UGGT2: variants seen among roughly 807,000 people sequenced by gnomAD.
The protein encoded by UGGT2 is UDP-glucose glycoprotein glucosyltransferase 2, also known as UDP-glucose:glycoprotein glucosyltransferase 2.
UGGT2 carries 180 observed loss-of-function variants against 192.1 expected under a neutral mutation model. That is an observed-to-expected ratio of 0.94 (90% CI 0.83 to 1.06). The LOEUF (loss-of-function observed/expected upper bound fraction) is 1.06. UGGT2 is among the 50% of genes least tolerant of loss of function. The pLI is 0.00. For missense variants in UGGT2, 1,849 were observed against 1,795.7 expected (o/e 1.03, Z -0.54); for synonymous variants, 580 against 591.0 (o/e 0.98, Z 0.27).
At chr13:96,038,161 G>T (rs1329325032) in intron 1 of UGGT2, among the ~76,000 whole-genome samples, 1 of 152,180 alleles carries the variant, frequency 6.6e-6, no homozygotes, top group Non-Finnish European at 1.5e-5. Context: ...AATTCTGATG[G>T]TGGCTTAAAG....
chr13:95,811,705 C>T (rs1048642018), intron 38 of UGGT2, among the ~76,000 whole-genome samples: 5 of 151,770 alleles, frequency 3.3e-5, no homozygotes, highest in African/African-American at 7.3e-5. Context: ...TAGTAAAATG[C>T]ATTATAACAA....
At chr13:95,890,688 T>C (rs1055294547) in intron 25 of UGGT2, among the ~76,000 whole-genome samples, 174 bp downstream of exon 25, 2 of 152,128 alleles carry the variant, frequency 1.3e-5, no homozygotes, top group South Asian at 2.1e-4. Flanking sequence ...CTCAGCACAG[T>C]CATAACAACA....
At chr13:95,821,554 C>T (rs963559921) in intron 38 of UGGT2, among the ~76,000 whole-genome samples, 25 of 152,216 alleles carry the variant, frequency 1.6e-4, no homozygotes, top group African/African-American at 6.0e-4. Flanking sequence ...ATGATTATTT[C>T]TTTTGCCATG....
chr13:95,922,461 AAAAT>A (rs1478659151), intron 20 of UGGT2, among the ~76,000 whole-genome samples: 1 of 152,214 alleles, frequency 6.6e-6, no homozygotes, highest in East Asian at 1.9e-4. Context: ...ATCAAAGCTA[AAAAT>A]AAATAAAGTC....
intron 17 of UGGT2, among the ~76,000 whole-genome samples, chr13:95,928,130 C>T (rs533697450): frequency 6.6e-6 from 1 of 152,200 alleles, no homozygotes; most frequent in East Asian, 1.9e-4. Context: ...CTTTTCTATT[C>T]GACAAAACCG....
chr13:96,032,805 C>T (rs1323977799), intron 1 of UGGT2, among the ~76,000 whole-genome samples: 1 of 152,178 alleles, frequency 6.6e-6, no homozygotes, highest in Non-Finnish European at 1.5e-5. Context: ...TACAGATTAA[C>T]TAATTCTTGT....
chr13:95,813,438 G>A (rs183700054), intron 38 of UGGT2, among the ~76,000 whole-genome samples: 2 of 152,304 alleles, frequency 1.3e-5, no homozygotes, highest in East Asian at 3.9e-4. Flanking sequence ...CGATGATTTA[G>A]GGTATCTGGT....
At chr13:95,877,086 G>A (rs955146600) in intron 29 of UGGT2, 193 bp downstream of exon 29, 8 of 436,870 alleles carry the variant, frequency 1.8e-5, no homozygotes, top group Admixed American at 1.3e-4. Context: ...GTTTTGCCAT[G>A]TTGGCCAGGC....
At chr13:95,838,626 C>A (rs1164073012) in intron 36 of UGGT2, among the ~76,000 whole-genome samples, 1 of 151,952 alleles carries the variant, frequency 6.6e-6, no homozygotes, top group Non-Finnish European at 1.5e-5. Flanking sequence ...ATAAAGAGCC[C>A]AGAAATAGAA....
intron 17 of UGGT2, among the ~76,000 whole-genome samples, chr13:95,931,774 G>A (rs1028673864): frequency 6.6e-6 from 1 of 152,156 alleles, no homozygotes; most frequent in Non-Finnish European, 1.5e-5. Context: ...ACTCGCGCTG[G>A]CCCATGAACG....
Position 95,927,387 on chromosome 13 carries a change from T to C in UGGT2, c.1978-51A>G, listed in dbSNP as rs998259606. On this transcript the variant is annotated intron_variant, in intron 17 of 38. Coordinates refer to ENST00000376747, the MANE Select transcript of UGGT2 (RefSeq NM_020121.4). ...ATAATACAGGCAATTTATATCCATG[T>C]TTCAAAAAGTATGCAGATAACACAA... 6.1e-6 allele frequency: 9 copies of C among 1,481,150 alleles called. No homozygotes were observed. In the South Asian group the frequency reaches 8.3e-5, roughly 14 times the overall value. 91.8% of individuals were successfully genotyped at this position (1,481,150 alleles called of 1,614,324 possible).
intron 30 of UGGT2, among the ~76,000 whole-genome samples, chr13:95,864,180 T>A (rs552972825): frequency 6.6e-6 from 1 of 152,252 alleles, no homozygotes; most frequent in African/African-American, 2.4e-5. Context: ...CTTATTTTTT[T>A]ATTCCCACAA....
intron 17 of UGGT2, among the ~76,000 whole-genome samples, chr13:95,932,166 T>G (rs1359101879): frequency 1.3e-5 from 2 of 152,236 alleles, no homozygotes; most frequent in African/African-American, 4.8e-5. Context: ...ATGGCCATGT[T>G]AACAATATTT....
chr13:96,009,087 G>A (rs935747819), intron 5 of UGGT2, among the ~76,000 whole-genome samples: 7 of 152,134 alleles, frequency 4.6e-5, no homozygotes, highest in Non-Finnish European at 1.0e-4. Flanking sequence ...AGCAAGCAAT[G>A]GGGAAAGAAC....
intron 12 of UGGT2, among the ~76,000 whole-genome samples, chr13:95,969,404 T>C (rs1027079097): frequency 6.6e-6 from 1 of 152,134 alleles, no homozygotes; most frequent in Non-Finnish European, 1.5e-5. Flanking sequence ...GGATTAGAGG[T>C]TGGTCTCTGG....
intron 12 of UGGT2, among the ~76,000 whole-genome samples, chr13:95,962,214 A>C (rs192206252): frequency 1.3e-3 from 200 of 152,316 alleles, no homozygotes; most frequent in African/African-American, 4.7e-3. Context: ...GCAGAAAAAA[A>C]TAAATAAGAT....
chr13:95,993,635 C>G (rs2051525224), intron 7 of UGGT2, among the ~76,000 whole-genome samples: 1 of 152,080 alleles, frequency 6.6e-6, no homozygotes, highest in Non-Finnish European at 1.5e-5. Flanking sequence ...CTAGAGTATA[C>G]TGACTGGCCA....
At chr13:95,944,931 A>G (rs1390239290) in intron 15 of UGGT2, among the ~76,000 whole-genome samples, 1 of 151,934 alleles carries the variant, frequency 6.6e-6, no homozygotes, top group Non-Finnish European at 1.5e-5. Flanking sequence ...CTGTCCATTT[A>G]TCTCCCTTGC....
At chr13:95,913,539 C>T (rs1452233439) in intron 20 of UGGT2, among the ~76,000 whole-genome samples, 1 of 152,148 alleles carries the variant, frequency 6.6e-6, no homozygotes, top group Non-Finnish European at 1.5e-5. Context: ...CAATGAGATA[C>T]CATCTCACAC....
Sources: gnomAD v4.1 joint callset for allele counts (sites outside exome capture counted in the v4.1 genomes callset) on GRCh38, gnomAD v4.1.1 for gene constraint, MANE v1.5 for transcripts, NCBI Gene and HGNC (gene_info 2026-07-23, HGNC 2026-07-21) for gene names.